Variants in SLC2A2 observed in about 807,000 individuals in gnomAD.
SLC2A2 encodes solute carrier family 2, facilitated glucose transporter member 2.
In SLC2A2, 36 loss-of-function variants were observed where a neutral mutation model predicts 54.5. The observed-to-expected ratio is 0.66, with a 90% CI of 0.51 to 0.87. SLC2A2 has a LOEUF of 0.87. Among genes scored for constraint, SLC2A2 ranks in the 40% least tolerant of loss-of-function variants. SLC2A2 has a pLI of 0.00. For missense variants in SLC2A2, 543 were observed against 624.3 expected, an observed-to-expected ratio of 0.87 and a Z score of 1.39; for synonymous variants, 223 against 219.1, an observed-to-expected ratio of 1.02 and a Z score of -0.16.
At chr3:171,009,498 C>G (rs1715771860) in intron 4 of SLC2A2, among the ~76,000 whole-genome samples, 1 of 151,892 alleles carries the variant, frequency 6.6e-6, no homozygotes, top group Non-Finnish European at 1.5e-5. Context: ...TCCATAAGGG[C>G]AGAATTAAGG....
intron 7 of SLC2A2, among the ~76,000 whole-genome samples, chr3:171,003,459 G>A (rs1007708265): frequency 1.3e-5 from 2 of 151,354 alleles, no homozygotes; most frequent in Non-Finnish European, 2.9e-5. Context: ...AGGGTGGGAG[G>A]CGGGTGTAAT....
At chr3:171,014,422 G>A (rs1576837818) in intron 3 of SLC2A2, 47 bp downstream of exon 3, 11 of 1,595,542 alleles carry the variant, frequency 6.9e-6, no homozygotes, top group Non-Finnish European at 6.9e-6. Flanking sequence ...TTAGGAAAAT[G>A]AAAATATGAA....
chr3:171,008,308 A>G (rs1289190169), intron 4 of SLC2A2, among the ~76,000 whole-genome samples: 4 of 152,228 alleles, frequency 2.6e-5, no homozygotes, highest in East Asian at 1.9e-4. Context: ...GCTGAATTTT[A>G]CAGGTGACTT....
chr3:170,998,298 C>G lies in SLC2A2; in HGVS notation c.1269G>C (p.Val423=). ...IGPGPIPWFM[V]AEFFSQGPRP... Reference sequence around the variant, plus strand: ...GTGGTCCTTGACTGAAAAACTCAGCCACCATGAACCAGGGGATCGGGCCTG... The same window carrying G: ...GTGGTCCTTGACTGAAAAACTCAGCGACCATGAACCAGGGGATCGGGCCTG... The change falls in exon 10 of 11, where the codon GTG becomes GTC. Residue 423 remains valine, a synonymous_variant. Coordinates refer to ENST00000314251, the MANE Select transcript of SLC2A2 (RefSeq NM_000340.2). 1.1e-5 allele frequency: 17 copies of G among 1,613,796 alleles called. No individual in the cohort carries two copies. The highest frequency in any genetic ancestry group is 1.4e-5 in the Non-Finnish European group (16 of 1,179,804).
At chr3:171,000,580 A>G (rs1238051964) in intron 8 of SLC2A2, among the ~76,000 whole-genome samples, 1 of 152,020 alleles carries the variant, frequency 6.6e-6, no homozygotes, top group African/African-American at 2.4e-5. Context: ...CCAATTTGGT[A>G]GTCACCGCTT....
At chr3:170,999,217 G>T (rs1715235076) in intron 8 of SLC2A2, 51 bp from the exon 9 acceptor site, 2 of 1,198,102 alleles carry the variant, frequency 1.7e-6, no homozygotes, top group South Asian at 1.2e-5. Flanking sequence ...ACAAAATATT[G>T]ACTGTTTACT....
In SLC2A2 at chr3:171,018,556, A is replaced by G. The variant is rs1049223265; in HGVS notation, c.83T>C (p.Ile28Thr). ...CTGTTGAGGTGCATTGATCACACCA[A>G]TGTCATATCCAAACTGGAAGGAACC... is the stretch of plus-strand genomic sequence containing the variant. ...VLGSFQFGYD[I>T]GVINAPQQVI... is the part of the protein sequence containing the mutation. Residue 28 changes from isoleucine (I) to threonine (T), a missense_variant, in exon 2 of 11, where the codon ATT becomes ACT. Ile to Thr is a moderately conservative substitution (Grantham distance 89). Around this residue, in one of 3 missense-constraint regions of SLC2A2, gnomAD observed 318 missense variants for 343.8 expected, o/e 0.93. Coordinates refer to ENST00000314251, the MANE Select transcript of SLC2A2 (RefSeq NM_000340.2). 3 of 1,613,612 alleles carry G rather than the reference A, an allele frequency of 1.9e-6. No individual in the cohort carries two copies. Among genetic ancestry groups the G allele is most frequent in the African/African-American group, 2.7e-5 (2 of 74,920 alleles).
chr3:170,996,843 T>C lies in SLC2A2; in HGVS notation c.*1060A>G, dbSNP rs1446999219. 5.1e-6 allele frequency: 2 copies of C among 391,494 alleles called. No homozygotes were observed. Among genetic ancestry groups the C allele is most frequent in the Non-Finnish European group, 9.0e-6 (2 of 221,794 alleles). The allele number at this position is 391,494 out of a possible 1,614,324, so 24.3% of individuals were successfully genotyped here. On this transcript the variant is annotated 3_prime_UTR_variant, in exon 11 of 11. Transcript: ENST00000314251. ...CAGGAAAATTAAATAGGGATTTTGA[T>C]AAAAGTCTGAAGCTGAACATTTATG... is the stretch of plus-strand genomic sequence containing the variant.
intron 2 of SLC2A2, among the ~76,000 whole-genome samples, 161 bp downstream of exon 2, chr3:171,018,370 G>A (rs1327023468): frequency 6.6e-6 from 1 of 152,064 alleles, no homozygotes; most frequent in Non-Finnish European, 1.5e-5. Context: ...AGGGAGTCAA[G>A]GCCAAGTTAT....
At chr3:171,007,054 G>A (rs967725498) in intron 5 of SLC2A2, 94 bp downstream of exon 5, 14 of 775,016 alleles carry the variant, frequency 1.8e-5, no homozygotes, top group Non-Finnish European at 3.0e-5. Context: ...TGGATGAAGT[G>A]GAGGAAGTAC....
At chr3:171,017,393 C>T (rs1039381493) in intron 2 of SLC2A2, among the ~76,000 whole-genome samples, 3 of 152,138 alleles carry the variant, frequency 2.0e-5, no homozygotes, top group Non-Finnish European at 4.4e-5. Context: ...AGCACCTAAT[C>T]GGAGCACGTC....
At chr3:171,008,893 TAAA>T (rs1325087460) in intron 4 of SLC2A2, among the ~76,000 whole-genome samples, 1 of 152,102 alleles carries the variant, frequency 6.6e-6, no homozygotes, top group African/African-American at 2.4e-5. Flanking sequence ...ATGAAAATAA[TAAA>T]AAGAGATTTA....
intron 1 of SLC2A2, among the ~76,000 whole-genome samples, chr3:171,020,550 A>AAT (rs1716408016): frequency 6.6e-6 from 1 of 152,146 alleles, no homozygotes; most frequent in African/African-American, 2.4e-5. Context: ...CCAAAAGAAT[A>AAT]ATATATATGT....
intron 2 of SLC2A2, among the ~76,000 whole-genome samples, chr3:171,015,378 G>T: frequency 6.6e-6 from 1 of 152,190 alleles, no homozygotes; most frequent in Non-Finnish European, 1.5e-5. Flanking sequence ...GGGCTGAAGC[G>T]GGAGGATTGC....
chr3:171,004,610 A>G (rs1311041707), intron 7 of SLC2A2, among the ~76,000 whole-genome samples: 1 of 150,888 alleles, frequency 6.6e-6, no homozygotes, highest in South Asian at 2.1e-4. Flanking sequence ...TTTTTAATCT[A>G]GTTTCTTAAC....
At chr3:171,004,581 G>T (rs1361196755) in intron 7 of SLC2A2, among the ~76,000 whole-genome samples, 1 of 144,908 alleles carries the variant, frequency 6.9e-6, no homozygotes, top group African/African-American at 2.8e-5. Context: ...AACAAAAGGG[G>T]AGAAGTGGTG....
chr3:171,007,040 GAGATGGATGA>G (rs1715644024), intron 5 of SLC2A2, 98 bp downstream of exon 5: 1 of 742,200 alleles, frequency 1.3e-6, no homozygotes, highest in Admixed American at 2.0e-5. Flanking sequence ...AGGGAGGGAC[GAGATGGATGA>G]AGTGGAGGAA....
chr3:170,999,202 G>A (rs776272936), intron 8 of SLC2A2, 36 bp from the exon 9 acceptor site: 2 of 1,366,980 alleles, frequency 1.5e-6, no homozygotes, highest in South Asian at 2.3e-5. Flanking sequence ...TCAGTTTTGT[G>A]AGTCACAAAA....
intron 6 of SLC2A2, 114 bp downstream of exon 6, chr3:171,005,829 G>T: frequency 1.8e-6 from 2 of 1,094,046 alleles, no homozygotes; most frequent in Non-Finnish European, 2.8e-6. Flanking sequence ...ATATAAAAGC[G>T]ATTTTGCACA....
Sources: gnomAD v4.1 joint callset for allele counts (sites outside exome capture counted in the v4.1 genomes callset) on GRCh38, gnomAD v4.1.1 for gene constraint, gnomAD v4.1.1 regional missense constraint, MANE v1.5 for transcripts, NCBI Gene and HGNC (gene_info 2026-07-23, HGNC 2026-07-21) for gene names.